Variants in DENND1B observed in about 807,000 individuals in gnomAD.
DENND1B encodes DENN domain containing 1B.
DENND1B carries 59 observed loss-of-function variants against 90.1 expected under a neutral mutation model. The ratio of observed to expected loss-of-function variants is 0.65; its 90% CI spans 0.53 to 0.81. DENND1B has a LOEUF of 0.81. Among genes scored for constraint, DENND1B ranks in the 40% least tolerant of loss-of-function variants. The pLI is 0.00. For synonymous variants in DENND1B, 337 were observed against 324.6 expected, an observed-to-expected ratio of 1.04 and a Z score of -0.41; for missense variants, 862 against 912.6, an observed-to-expected ratio of 0.94 and a Z score of 0.71.
chr1:197,776,708 C>T (rs1657288100), upstream of DENND1B, among the ~76,000 whole-genome samples: 2 of 152,028 alleles, frequency 1.3e-5, no homozygotes, highest in African/African-American at 4.8e-5. Context: ...GTTATATAAC[C>T]TTAAACTTTC....
chr1:197,781,295 A>C, the DENND1B span, among the ~76,000 whole-genome samples: 1 of 152,322 alleles, frequency 6.6e-6, no homozygotes, highest in Admixed American at 6.5e-5. Flanking sequence ...TGTAGCTAAC[A>C]TGTATCCAAG....
At chr1:197,519,745 G>A (rs1464027754) in intron 20 of DENND1B, among the ~76,000 whole-genome samples, 1 of 151,914 alleles carries the variant, frequency 6.6e-6, no homozygotes. Flanking sequence ...GATGATGGAA[G>A]ATGTAGCAAT....
rs1424200358 is a variant in DENND1B at position 197,613,175 on chromosome 1, T to C, written c.774-1199A>G. Among the ~76,000 whole-genome samples, 6 of 150,880 alleles carry C rather than the reference T, an allele frequency of 4.0e-5. No individual in the cohort carries two copies. In the South Asian group the frequency reaches 1.0e-3, roughly 26 times the overall value. ...TGTCCAAATTTCTGTGTGTTCACTT[T>C]GCTACTGAGAACCAGCAATAGATTA... On this transcript the variant is annotated intron_variant, in intron 11 of 22. Transcript: ENST00000620048.
At chr1:197,750,817 C>T (rs1468259481) in intron 2 of DENND1B, among the ~76,000 whole-genome samples, 1 of 151,918 alleles carries the variant, frequency 6.6e-6, no homozygotes, top group African/African-American at 2.4e-5. Flanking sequence ...ATTTCTCTGT[C>T]AGAGAAAAAG....
intron 6 of DENND1B, 41 bp downstream of exon 6, chr1:197,658,259 G>T: frequency 6.8e-7 from 1 of 1,467,532 alleles, no homozygotes. Context: ...TGTGTTATAA[G>T]TATTTTACCA....
At chr1:197,772,753 A>T in intron 2 of DENND1B, 115 bp downstream of exon 2, 3 of 831,072 alleles carry the variant, frequency 3.6e-6, no homozygotes, top group Non-Finnish European at 1.9e-6. Flanking sequence ...TGAACCCGGG[A>T]AGGAGAGGTT....
chr1:197,545,055 A>AGAAGG (rs1401718247), intron 18 of DENND1B, among the ~76,000 whole-genome samples: 444 of 12,914 alleles, frequency 0.034, 5 homozygotes, highest in Middle Eastern at 0.22. Flanking sequence ...GAAGGAGAAG[A>AGAAGG]AGAAGAAGAA....
At position 197,510,455 on chromosome 1, in the gene DENND1B, A is replaced by G; in HGVS notation, c.*5T>C. 6.3e-7 allele frequency: 1 copy of G among 1,593,908 alleles called. No homozygotes were observed. Among genetic ancestry groups the G allele is most frequent in the Non-Finnish European group, 8.6e-7 (1 of 1,169,498 alleles). On this transcript the variant is annotated 3_prime_UTR_variant, in exon 23 of 23. Transcript: ENST00000620048. ...AATGTCTCCATAGAAGCTTGGATGC[A>G]AGATTTAAGTTTGGTTTCCATTTGT...
intron 18 of DENND1B, 70 bp downstream of exon 18, chr1:197,545,852 A>G (rs1484940653): frequency 2.3e-6 from 3 of 1,277,144 alleles, no homozygotes; most frequent in Non-Finnish European, 3.3e-6. Flanking sequence ...TTCAGAATTT[A>G]TATGTCTATC....
intron 15 of DENND1B, among the ~76,000 whole-genome samples, chr1:197,575,502 A>G (rs1400569257): frequency 1.3e-5 from 2 of 152,232 alleles, no homozygotes; most frequent in Admixed American, 1.3e-4. Flanking sequence ...AATTAGTTCA[A>G]CCATTGTGGA....
chr1:197,631,008 C>T (rs886429111), intron 10 of DENND1B, among the ~76,000 whole-genome samples: 1 of 152,112 alleles, frequency 6.6e-6, no homozygotes. Context: ...CATCTCCTCA[C>T]CTACATGACA....
rs566390109 is a variant in DENND1B, at chr1:197,733,264, GAA to G, written c.83-18192_83-18191del. The stretch of plus-strand genomic sequence containing the variant: ...ATGAAGTTTAAACACCTATGTTTAA[GAA>G]TAAGCACAAAAAAAAATTAGAAATA... On this transcript the variant is annotated intron_variant, in intron 2 of 22. Transcript: ENST00000620048. 7.6e-3 allele frequency among the ~76,000 whole-genome samples: 1,154 copies of G among 152,190 alleles called. 11 individuals carry two copies. Among genetic ancestry groups the G allele is most frequent in the Non-Finnish European group, 0.013 (894 of 67,996 alleles).
chr1:197,673,594 T>C (rs1655750569), intron 4 of DENND1B, among the ~76,000 whole-genome samples: 1 of 152,142 alleles, frequency 6.6e-6, no homozygotes, highest in East Asian at 1.9e-4. Context: ...TCATTCAGTA[T>C]TTGTTCAGTG....
chr1:197,604,283 C>T (rs1049918456), intron 13 of DENND1B, among the ~76,000 whole-genome samples: 1 of 151,008 alleles, frequency 6.6e-6, no homozygotes, highest in Non-Finnish European at 1.5e-5. Context: ...AAGAGGTTTT[C>T]CCCCTCCCTT....
chr1:197,612,451 C>T (rs1677268844), intron 11 of DENND1B, among the ~76,000 whole-genome samples: 1 of 150,392 alleles, frequency 6.6e-6, no homozygotes, highest in South Asian at 2.1e-4. Flanking sequence ...TCCTATGTCA[C>T]CAAATATTTG....
chr1:197,590,842 A>G (rs546361236), intron 14 of DENND1B, among the ~76,000 whole-genome samples: 2 of 152,244 alleles, frequency 1.3e-5, no homozygotes, highest in South Asian at 2.1e-4. Flanking sequence ...CCTCTTCTTC[A>G]ATAAGACCAT....
intron 2 of DENND1B, among the ~76,000 whole-genome samples, chr1:197,739,699 C>T (rs1347723418): frequency 2.0e-5 from 3 of 152,004 alleles, no homozygotes; most frequent in Non-Finnish European, 4.4e-5. Flanking sequence ...AAATGCAAAT[C>T]CAACAAAGTC....
chr1:197,670,354 A>G (rs1245221699), intron 5 of DENND1B, among the ~76,000 whole-genome samples: 1 of 111,272 alleles, frequency 9.0e-6, no homozygotes, highest in Non-Finnish European at 1.9e-5. Context: ...CAGTGAGGTA[A>G]GCTATAAAAT....
At chr1:197,635,663 T>A (rs901671280) in intron 10 of DENND1B, among the ~76,000 whole-genome samples, 3 of 152,152 alleles carry the variant, frequency 2.0e-5, no homozygotes, top group Non-Finnish European at 2.9e-5. Flanking sequence ...AAGAGATCGA[T>A]ATCTAATACA....
Sources: allele counts gnomAD v4.1 joint callset (sites outside exome capture counted in the v4.1 genomes callset), GRCh38; gene constraint gnomAD v4.1.1; transcripts MANE v1.5; gene names NCBI Gene and HGNC (gene_info 2026-07-23, HGNC 2026-07-21).